Variants in SEMA5A observed in about 807,000 individuals in gnomAD.
SEMA5A encodes semaphorin-5A.
In SEMA5A, 55 loss-of-function variants were observed where a neutral mutation model predicts 135.5. That is an observed-to-expected ratio of 0.41 (90% CI 0.33 to 0.51). The LOEUF (loss-of-function observed/expected upper bound fraction) is 0.51, where lower values mean the gene tolerates loss of function less well. SEMA5A is among the 20% of genes least tolerant of loss of function. The probability of loss-of-function intolerance (pLI) is 0.37; values close to 1 mark genes in which losing one functional copy is unlikely to be tolerated. For synonymous variants in SEMA5A, 580 were observed against 546.5 expected (o/e 1.06, Z -0.85); for missense variants, 1,290 against 1,419.9 (o/e 0.91, Z 1.47).
chr5:9,192,170 T>C lies in SEMA5A; in HGVS notation c.1069-1699A>G, dbSNP rs368374061. Among the ~76,000 whole-genome samples the C allele has an allele frequency of 2.1e-4, 32 of 152,316 alleles. No homozygotes were observed. The South Asian group carries it at 3.7e-3, about 18-fold the overall frequency. ...GGGCTCAGCCCTGCCATGACCCAAG[T>C]GCTACTCTGGCTCCGTGGCTCTCAA... On this transcript the variant is annotated intron_variant, in intron 10 of 22. Transcript: ENST00000382496.
chr5:9,213,110 G>A lies in SEMA5A; in HGVS notation c.647-10870C>T, dbSNP rs150058632. Among the ~76,000 whole-genome samples, 1,253 of 152,252 alleles carry A rather than the reference G, an allele frequency of 8.2e-3. 20 individuals carry two copies. Among genetic ancestry groups the A allele is most frequent in the African/African-American group, 0.028 (1,170 of 41,546 alleles). ...TCCGGGGTCTTGTTTACTCGGGCAC[G>A]AATCCCATTCATGAGGGACTCCACC... On this transcript the variant is annotated intron_variant, in intron 8 of 22. Coordinates refer to ENST00000382496, the MANE Select transcript of SEMA5A (RefSeq NM_003966.3).
intron 15 of SEMA5A, among the ~76,000 whole-genome samples, chr5:9,110,086 A>G (rs1168128195): frequency 1.3e-5 from 2 of 152,196 alleles, no homozygotes; most frequent in Non-Finnish European, 2.9e-5. Flanking sequence ...TTTGGAAAAT[A>G]ATGGAAGGTA....
intron 3 of SEMA5A, among the ~76,000 whole-genome samples, chr5:9,349,654 T>C (rs545878281): frequency 8.0e-4 from 121 of 152,024 alleles, no homozygotes; most frequent in Non-Finnish European, 1.3e-3. Context: ...AATCCCAGCA[T>C]TTTGGGAGGC....
intron 1 of SEMA5A, among the ~76,000 whole-genome samples, chr5:9,460,523 C>A (rs1306007152): frequency 6.6e-6 from 1 of 152,054 alleles, no homozygotes; most frequent in Admixed American, 6.6e-5. Flanking sequence ...AATCTGTCTA[C>A]TATTAAAGAT....
At chr5:9,413,329 A>T (rs1757169263) in intron 2 of SEMA5A, among the ~76,000 whole-genome samples, 1 of 152,174 alleles carries the variant, frequency 6.6e-6, no homozygotes, top group Non-Finnish European at 1.5e-5. Context: ...AGAAATAAAG[A>T]TGTTAGAAGG....
intron 12 of SEMA5A, among the ~76,000 whole-genome samples, chr5:9,146,410 C>T (rs1742337584): frequency 6.6e-6 from 1 of 152,152 alleles, no homozygotes; most frequent in South Asian, 2.1e-4. Context: ...TTAATGGCTT[C>T]AGAATAACTC....
chr5:9,351,905 C>A (rs985081863), intron 3 of SEMA5A, among the ~76,000 whole-genome samples: 1 of 152,202 alleles, frequency 6.6e-6, no homozygotes, highest in East Asian at 1.9e-4. Flanking sequence ...GGCACTCTAC[C>A]TTTAGCCTTC....
At chr5:9,253,825 T>C (rs1386835036) in intron 5 of SEMA5A, among the ~76,000 whole-genome samples, 6 of 152,164 alleles carry the variant, frequency 3.9e-5, no homozygotes, top group Non-Finnish European at 8.8e-5. Flanking sequence ...CTTTAAATAA[T>C]GATGAGCCTC....
intron 1 of SEMA5A, chr5:9,512,075 AGTCTTAT>A (rs1363008343): frequency 6.6e-6 from 1 of 152,234 alleles, no homozygotes; most frequent in East Asian, 1.9e-4. Flanking sequence ...AGTATTCATC[AGTCTTAT>A]GTTCCTGGCA....
At chr5:9,306,887 T>A (rs1751895951) in intron 5 of SEMA5A, among the ~76,000 whole-genome samples, 1 of 152,236 alleles carries the variant, frequency 6.6e-6, no homozygotes, top group Non-Finnish European at 1.5e-5. Context: ...GGTTTAAAAT[T>A]GCATTTGATT....
intron 1 of SEMA5A, among the ~76,000 whole-genome samples, chr5:9,490,512 A>G (rs2126798805): frequency 6.6e-6 from 1 of 152,314 alleles, no homozygotes; most frequent in African/African-American, 2.4e-5. Context: ...TTATTTCATG[A>G]GATATCAAAA....
chr5:9,410,064 TTTC>T (rs1320954109), intron 2 of SEMA5A, among the ~76,000 whole-genome samples: 1 of 152,200 alleles, frequency 6.6e-6, no homozygotes. Flanking sequence ...ACCATGAGAA[TTTC>T]TTTTTTTAGA....
rs141550409 is a variant in SEMA5A at position 9,195,619 on chromosome 5, T to C, written c.1068+1549A>G. On this transcript the variant is annotated intron_variant, in intron 10 of 22. Coordinates refer to ENST00000382496, the MANE Select transcript of SEMA5A (RefSeq NM_003966.3). ...ATATGCAATAAAGATGCATAATAGA[T>C]AGATGTGTGATAAAAATGCACATAA... 1.8e-4 allele frequency among the ~76,000 whole-genome samples: 27 copies of C among 152,326 alleles called. No homozygotes were observed. The East Asian group carries it at 5.2e-3, about 29-fold the overall frequency.
intron 16 of SEMA5A, among the ~76,000 whole-genome samples, chr5:9,067,753 G>C (rs1017078048): frequency 1.3e-5 from 2 of 152,056 alleles, no homozygotes; most frequent in African/African-American, 4.8e-5. Context: ...TTCATTTCAT[G>C]CTCTCCCTCC....
intron 1 of SEMA5A, among the ~76,000 whole-genome samples, chr5:9,438,567 A>G (rs773157677): frequency 1.3e-5 from 2 of 152,224 alleles, no homozygotes; most frequent in Non-Finnish European, 2.9e-5. Flanking sequence ...GTGACTTTCC[A>G]TCTATGATCC....
intron 3 of SEMA5A, among the ~76,000 whole-genome samples, chr5:9,369,576 A>T (rs1296106949): frequency 1.3e-5 from 2 of 152,182 alleles, no homozygotes; most frequent in African/African-American, 2.4e-5. Flanking sequence ...CCATTTTTCC[A>T]GTACCACTTG....
At chr5:9,272,462 G>C (rs1750026954) in intron 5 of SEMA5A, among the ~76,000 whole-genome samples, 2 of 152,136 alleles carry the variant, frequency 1.3e-5, no homozygotes, top group Non-Finnish European at 2.9e-5. Flanking sequence ...ATCCCTGCCT[G>C]ATGGCTCTGA....
intron 15 of SEMA5A, among the ~76,000 whole-genome samples, chr5:9,112,569 A>G (rs964027159): frequency 6.6e-6 from 1 of 152,224 alleles, no homozygotes; most frequent in South Asian, 2.1e-4. Context: ...CCATTTAGGA[A>G]GAAAAATAAC....
At chr5:9,418,253 G>A (rs917273400) in intron 2 of SEMA5A, among the ~76,000 whole-genome samples, 3 of 152,144 alleles carry the variant, frequency 2.0e-5, no homozygotes, top group African/African-American at 7.2e-5. Flanking sequence ...TGGGATTACA[G>A]GCATGAGCCA....
Sources: gnomAD v4.1 joint callset for allele counts (sites outside exome capture counted in the v4.1 genomes callset) on GRCh38, gnomAD v4.1.1 for gene constraint, MANE v1.5 for transcripts, NCBI Gene and HGNC (gene_info 2026-07-23, HGNC 2026-07-21) for gene names.